Variants in YTHDC2 observed in about 807,000 individuals in gnomAD.
YTHDC2 encodes 3'-5' RNA helicase YTHDC2.
Under a neutral mutation model 174.9 loss-of-function variants are expected in YTHDC2, and 45 were observed. That is an observed-to-expected ratio of 0.26 (90% CI 0.20 to 0.33). The LOEUF is 0.33. Ranked by LOEUF, YTHDC2 falls within the 10% of genes least tolerant of loss-of-function variation. The pLI is 1.00. For synonymous variants in YTHDC2, 657 were observed against 574.5 expected, an observed-to-expected ratio of 1.14 and a Z score of -2.05; for missense variants, 1,650 against 1,723.7, an observed-to-expected ratio of 0.96 and a Z score of 0.76.
intron 10 of YTHDC2, among the ~76,000 whole-genome samples, chr5:113,544,889 T>C (rs796375432): frequency 1.1e-4 from 16 of 152,248 alleles, no homozygotes; most frequent in African/African-American, 3.9e-4. Context: ...TCTTTACTGG[T>C]ATTAATTCAG....
At chr5:113,539,596 A>T (rs905695224) in intron 8 of YTHDC2, among the ~76,000 whole-genome samples, 1 of 152,216 alleles carries the variant, frequency 6.6e-6, no homozygotes, top group African/African-American at 2.4e-5. Flanking sequence ...ATGTTACAGG[A>T]TTTCATTGAT....
intron 2 of YTHDC2, among the ~76,000 whole-genome samples, chr5:113,522,312 T>C (rs1031814332): frequency 2.0e-5 from 3 of 152,118 alleles, no homozygotes; most frequent in Admixed American, 6.5e-5. Flanking sequence ...TTTAAATGTT[T>C]AGTAACATCC....
chr5:113,572,029 C>T (rs1413117083), intron 23 of YTHDC2, among the ~76,000 whole-genome samples: 3 of 152,062 alleles, frequency 2.0e-5, no homozygotes, highest in Non-Finnish European at 4.4e-5. Flanking sequence ...TTTGTTTTCT[C>T]TTTGTTCTCT....
intron 23 of YTHDC2, among the ~76,000 whole-genome samples, chr5:113,569,297 G>T (rs1368474617): frequency 6.6e-6 from 1 of 152,070 alleles, no homozygotes; most frequent in African/African-American, 2.4e-5. Flanking sequence ...TAGGTTGTCT[G>T]TTTCCTCTGA....
intron 26 of YTHDC2, among the ~76,000 whole-genome samples, chr5:113,587,715 C>T (rs1020804292): frequency 6.7e-6 from 1 of 150,326 alleles, no homozygotes; most frequent in Non-Finnish European, 1.5e-5. Flanking sequence ...CTTTGTTTAT[C>T]TTCTTCAATA....
intron 2 of YTHDC2, among the ~76,000 whole-genome samples, chr5:113,517,172 T>C (rs1226256943): frequency 6.6e-6 from 1 of 152,194 alleles, no homozygotes; most frequent in Admixed American, 6.5e-5. Flanking sequence ...TGCTGGAAAT[T>C]CTATGAATAT....
intron 26 of YTHDC2, among the ~76,000 whole-genome samples, chr5:113,587,822 T>A (rs1211466485): frequency 6.6e-6 from 1 of 151,600 alleles, no homozygotes; most frequent in African/African-American, 2.4e-5. Flanking sequence ...TTGAGTGGAA[T>A]TGCATTGAAT....
In YTHDC2 at chr5:113,517,678, C is replaced by T. The variant is rs1773550170; in HGVS notation, c.278+2316C>T. 2.0e-4 allele frequency: 84 copies of T among 421,726 alleles called. 2 individuals carry two copies. The highest frequency in any genetic ancestry group is 1.4e-3 in the South Asian group (83 of 58,208). 26.1% of individuals were successfully genotyped at this position (421,726 alleles called of 1,614,324 possible). On this transcript the variant is annotated intron_variant, in intron 2 of 29. Coordinates refer to ENST00000161863, the MANE Select transcript of YTHDC2 (RefSeq NM_022828.5). ...TGCTTTCAAACCTTCTTACGAAATA[C>T]CCTAGCTCCTTCTCTCTTTTTTTCA...
At chr5:113,532,165 A>G (rs1483212924) in intron 4 of YTHDC2, among the ~76,000 whole-genome samples, 4 of 152,200 alleles carry the variant, frequency 2.6e-5, no homozygotes, top group Admixed American at 6.5e-5. Flanking sequence ...GGCTAGGTAG[A>G]TCTGGTATGT....
intron 27 of YTHDC2, 89 bp downstream of exon 27, chr5:113,591,333 C>A: frequency 1.5e-6 from 2 of 1,310,544 alleles, no homozygotes; most frequent in Non-Finnish European, 2.2e-6. Context: ...CTTTTCATTG[C>A]ATCAGAATGC....
In YTHDC2 at chr5:113,581,613, C is replaced by T. The variant is rs745614815; in HGVS notation, c.3551C>T (p.Ser1184Leu). The change falls in exon 25 of 30, where the codon TCA (serine) becomes TTA (leucine). Residue 1184 changes from serine (S) to leucine (L), a missense_variant. Coordinates refer to ENST00000161863, the MANE Select transcript of YTHDC2 (RefSeq NM_022828.5). ...GIGQRPRPMS[S>L]EELPLASSWR... ...GGCCAAAGGCCAAGGCCTATGTCTT[C>T]AGAAGAGCTTCCTTTGGCCTCATCT... 6.2e-7 allele frequency: 1 copy of T among 1,613,878 alleles called. No individual in the cohort carries two copies. The highest frequency in any genetic ancestry group is 8.5e-7 in the Non-Finnish European group (1 of 1,179,906).
intron 19 of YTHDC2, 27 bp from the exon 20 acceptor site, chr5:113,563,832 A>C (rs1777165378): frequency 1.9e-6 from 3 of 1,612,494 alleles, no homozygotes; most frequent in East Asian, 2.2e-5. Context: ...GCTCACATCA[A>C]AGTCTGTTCT....
rs954757324 is a variant in YTHDC2 at position 113,560,110 on chromosome 5, G to A, written c.2217-970G>A. ...TGCTCATTCCTTTCATCAAACAAGG[G>A]CAATTTTATGAAAGTTTTTGTGGGA... On this transcript the variant is annotated intron_variant, in intron 17 of 29. Coordinates refer to ENST00000161863, the MANE Select transcript of YTHDC2 (RefSeq NM_022828.5). Among the ~76,000 whole-genome samples the A allele has an allele frequency of 4.6e-5, 7 of 152,246 alleles. No homozygotes were observed. The East Asian group carries it at 1.4e-3, about 29-fold the overall frequency.
intron 26 of YTHDC2, among the ~76,000 whole-genome samples, chr5:113,589,408 A>ATATATAT (rs1554103528): frequency 1.4e-3 from 168 of 123,214 alleles, no homozygotes; most frequent in Non-Finnish European, 1.3e-3. Context: ...AAAAAAAAAA[A>ATATATAT]ATATATATAT....
rs115628863 is a variant in YTHDC2 at position 113,566,129 on chromosome 5, C to T, written c.2842+110C>T. Reference sequence around the variant, plus strand: ...CCATCTATTATTTTTATGACATTATCATGTTGTGTATCTTATATTCATGCA... The same window carrying T: ...CCATCTATTATTTTTATGACATTATTATGTTGTGTATCTTATATTCATGCA... On this transcript the variant is annotated intron_variant, in intron 21 of 29. Transcript: ENST00000161863. 1,650 of 1,237,686 alleles carry T rather than the reference C, an allele frequency of 1.3e-3. 14 individuals are homozygous for T. The African/African-American group carries it at 0.023, about 17-fold the overall frequency. The allele number at this position is 1,237,686 out of a possible 1,614,324, so 76.7% of individuals were successfully genotyped here.
intron 6 of YTHDC2, 53 bp from the exon 7 acceptor site, chr5:113,535,589 T>C: frequency 6.8e-7 from 1 of 1,469,012 alleles, no homozygotes; most frequent in Non-Finnish European, 9.1e-7. Flanking sequence ...TTTAAAGACT[T>C]AGTCATCAAT....
intron 29 of YTHDC2, 23 bp from the exon 30 acceptor site, chr5:113,593,458 CT>C (rs910472860): frequency 2.2e-4 from 277 of 1,255,112 alleles, no homozygotes; most frequent in Admixed American, 4.4e-4. Flanking sequence ...GATTATTTAT[CT>C]TTTTTTTTCC....
At chr5:113,551,522 G>A (rs1776250787) in intron 12 of YTHDC2, among the ~76,000 whole-genome samples, 2 of 152,106 alleles carry the variant, frequency 1.3e-5, no homozygotes, top group Middle Eastern at 3.4e-3. Context: ...TAAACTTACA[G>A]TGTTTTAAAG....
rs35609837 is a variant in YTHDC2 at position 113,550,553 on chromosome 5, A to G, written c.1688+1533A>G. The stretch of plus-strand genomic sequence containing the variant: ...CTGGTGTGGGTGGAAAGTGTAGGGA[A>G]GTGGAAGTGGTAACCTCATTTTTCA... On this transcript the variant is annotated intron_variant, in intron 12 of 29. Coordinates refer to ENST00000161863, the MANE Select transcript of YTHDC2 (RefSeq NM_022828.5). Among the ~76,000 whole-genome samples, 385 of 152,272 alleles carry G rather than the reference A, an allele frequency of 2.5e-3. 2 individuals carry two copies. Among genetic ancestry groups the G allele is most frequent in the Non-Finnish European group, 4.2e-3 (288 of 67,996 alleles).
Sources: allele counts gnomAD v4.1 joint callset (sites outside exome capture counted in the v4.1 genomes callset), GRCh38; gene constraint gnomAD v4.1.1; transcripts MANE v1.5; gene names NCBI Gene and HGNC (gene_info 2026-07-23, HGNC 2026-07-21).